IKZF3: variants seen among roughly 807,000 people sequenced by gnomAD.
The protein encoded by IKZF3 is zinc finger protein Aiolos.
A neutral mutation model predicts 49.0 loss-of-function variants in IKZF3; 10 were observed. The ratio of observed to expected loss-of-function variants is 0.20; its 90% CI spans 0.13 to 0.35. IKZF3 has a LOEUF of 0.35. IKZF3 is among the 10% of genes least tolerant of loss of function. The pLI is 1.00. For missense variants in IKZF3, 498 were observed against 664.8 expected, an observed-to-expected ratio of 0.75 and a Z score of 2.76; for synonymous variants, 209 against 228.2, an observed-to-expected ratio of 0.92 and a Z score of 0.76.
At chr17:39,803,110 G>T (rs1005710629) in intron 3 of IKZF3, among the ~76,000 whole-genome samples, 1 of 152,094 alleles carries the variant, frequency 6.6e-6, no homozygotes, top group African/African-American at 2.4e-5. Flanking sequence ...AGTAGGTAAG[G>T]TTCCAGCTGC....
chr17:39,834,493 C>G (rs572981910), intron 1 of IKZF3, among the ~76,000 whole-genome samples: 10 of 152,180 alleles, frequency 6.6e-5, no homozygotes, highest in Non-Finnish European at 1.0e-4. Context: ...CTGTGATCCA[C>G]TGGTTATTTA....
chr17:39,797,569 C>T (rs528387649), intron 3 of IKZF3, among the ~76,000 whole-genome samples: 5 of 151,868 alleles, frequency 3.3e-5, no homozygotes, highest in Non-Finnish European at 5.9e-5. Flanking sequence ...ACTATAGGCA[C>T]GTGCCACCAC....
At chr17:39,843,011 A>C (rs1448073803) in intron 1 of IKZF3, among the ~76,000 whole-genome samples, 2 of 152,216 alleles carry the variant, frequency 1.3e-5, no homozygotes. Flanking sequence ...TCGAATTTGC[A>C]GGGATAGTTT....
At chr17:39,773,132 A>G (rs568978581) in intron 7 of IKZF3, among the ~76,000 whole-genome samples, 4 of 152,146 alleles carry the variant, frequency 2.6e-5, no homozygotes, top group Non-Finnish European at 5.9e-5. Flanking sequence ...CCAACTTTCA[A>G]TGACCAGACT....
Position 39,765,534 on chromosome 17 carries a change from T to G in IKZF3, c.*256A>C. 1 of 429,158 alleles carries G rather than the reference T, an allele frequency of 2.3e-6. No individual in the cohort carries two copies. The highest frequency in any genetic ancestry group is 3.8e-5 in the East Asian group (1 of 26,374). The allele number at this position is 429,158 out of a possible 1,614,324, so 26.6% of individuals were successfully genotyped here. A position where few individuals can be genotyped will look rare whatever the true frequency, so the allele number is the denominator to read the frequency against. On this transcript the variant is annotated 3_prime_UTR_variant, in exon 8 of 8. Transcript: ENST00000346872. ...CTGTAGAAGATAATGACCAAATACC[T>G]TTTTGGCTTTTAAATTCCATAAAAT...
intron 3 of IKZF3, among the ~76,000 whole-genome samples, chr17:39,799,565 G>A (rs13313573): frequency 1.2e-4 from 19 of 152,054 alleles, no homozygotes; most frequent in Non-Finnish European, 2.8e-4. Context: ...TTCTGCAACC[G>A]CCTGGGAGCT....
At chr17:39,847,242 T>C (rs1015086851) in intron 1 of IKZF3, among the ~76,000 whole-genome samples, 10 of 152,098 alleles carry the variant, frequency 6.6e-5, no homozygotes, top group Admixed American at 2.6e-4. Context: ...TTCCTCAAAT[T>C]CCATCAGTAC....
At chr17:39,843,076 A>C (rs1215043546) in intron 1 of IKZF3, among the ~76,000 whole-genome samples, 1 of 152,224 alleles carries the variant, frequency 6.6e-6, no homozygotes. Context: ...AAGACTGAAG[A>C]ACTGTTCCAG....
chr17:39,793,235 T>C (rs983224124), intron 3 of IKZF3, among the ~76,000 whole-genome samples: 3 of 152,200 alleles, frequency 2.0e-5, no homozygotes, highest in Non-Finnish European at 4.4e-5. Flanking sequence ...GAAACAAACA[T>C]TGAGCAACTC....
chr17:39,769,793 C>G (rs938578118), intron 7 of IKZF3, among the ~76,000 whole-genome samples: 1 of 152,180 alleles, frequency 6.6e-6, no homozygotes, highest in Non-Finnish European at 1.5e-5. Flanking sequence ...ACATCACAAA[C>G]TCTGATTTTA....
rs148983861 is a variant in IKZF3 at position 39,771,557 on chromosome 17, A to G, written c.827-5064T>C. Among the ~76,000 whole-genome samples, 165 of 152,332 alleles carry G rather than the reference A, an allele frequency of 1.1e-3. 1 individual carries two copies. The highest frequency in any genetic ancestry group is 3.7e-3 in the African/African-American group (152 of 41,566). On this transcript the variant is annotated intron_variant, in intron 7 of 7. Coordinates refer to ENST00000346872, the MANE Select transcript of IKZF3 (RefSeq NM_012481.5). The stretch of plus-strand genomic sequence containing the variant: ...TTACTTCTCAAATATGCCACACTTA[A>G]TATGGGGCAAAGATTCATCTATTCT...
At chr17:39,863,494 T>A (rs1378282341) in intron 1 of IKZF3, among the ~76,000 whole-genome samples, 7 of 152,296 alleles carry the variant, frequency 4.6e-5, no homozygotes, top group Middle Eastern at 3.4e-3. Flanking sequence ...GAGTTTACAG[T>A]AGCAGTGTGA....
intron 3 of IKZF3, among the ~76,000 whole-genome samples, chr17:39,810,184 G>A (rs1395927454): frequency 6.6e-6 from 1 of 152,122 alleles, no homozygotes; most frequent in South Asian, 2.1e-4. Flanking sequence ...GTTATATTTT[G>A]TAAACTTCAT....
intron 3 of IKZF3, among the ~76,000 whole-genome samples, chr17:39,810,479 T>C (rs1266404245): frequency 1.3e-5 from 2 of 152,124 alleles, no homozygotes. Flanking sequence ...AATACATAAG[T>C]AAGCTTTTCA....
chr17:39,845,908 G>T (rs1198882648), intron 1 of IKZF3, among the ~76,000 whole-genome samples: 2 of 152,080 alleles, frequency 1.3e-5, no homozygotes, highest in Non-Finnish European at 2.9e-5. Context: ...TCGACCACAG[G>T]ATATCCAAAT....
At chr17:39,818,961 C>CTTCTA (rs71152606) in intron 3 of IKZF3, among the ~76,000 whole-genome samples, 77,991 of 151,422 alleles carry the variant, frequency 0.52, 20,384 homozygotes, top group African/African-American at 0.6. Context: ...TTGATCATAT[C>CTTCTA]TTCTCTATCA....
intron 3 of IKZF3, among the ~76,000 whole-genome samples, chr17:39,825,415 T>A (rs1464077968): frequency 6.6e-6 from 1 of 152,112 alleles, no homozygotes; most frequent in Non-Finnish European, 1.5e-5. Context: ...AAAAGAGGAA[T>A]GAGGAAAAAC....
At chr17:39,784,461 C>A (rs1051089472) in intron 6 of IKZF3, among the ~76,000 whole-genome samples, 2 of 151,022 alleles carry the variant, frequency 1.3e-5, no homozygotes, top group Non-Finnish European at 2.9e-5. Flanking sequence ...TAGAGTACAG[C>A]GGCATGATCT....
At chr17:39,820,179 A>G (rs1371685513) in intron 3 of IKZF3, among the ~76,000 whole-genome samples, 1 of 152,208 alleles carries the variant, frequency 6.6e-6, no homozygotes, top group Admixed American at 6.5e-5. Flanking sequence ...CAAAACTCCA[A>G]AGTTATCTGT....
Sources: gnomAD v4.1 joint callset for allele counts (sites outside exome capture counted in the v4.1 genomes callset) on GRCh38, gnomAD v4.1.1 for gene constraint, MANE v1.5 for transcripts, NCBI Gene and HGNC (gene_info 2026-07-23, HGNC 2026-07-21) for gene names.